CRBN: variants seen among roughly 807,000 people sequenced by gnomAD.
The protein encoded by CRBN is protein cereblon.
A neutral mutation model predicts 62.2 loss-of-function variants in CRBN; 53 were observed. That is an observed-to-expected ratio of 0.85 (90% CI 0.68 to 1.07). The LOEUF is 1.07. Ranked by LOEUF, CRBN falls within the 50% of genes least tolerant of loss-of-function variation. The pLI, the probability that CRBN is intolerant of heterozygous loss-of-function variation, is 0.00. For synonymous variants in CRBN, 208 were observed against 176.1 expected, an observed-to-expected ratio of 1.18 and a Z score of -1.43; for missense variants, 616 against 531.1, an observed-to-expected ratio of 1.16 and a Z score of -1.57.
chr3:3,159,636 T>A (rs532973438), intron 5 of CRBN, among the ~76,000 whole-genome samples: 5 of 152,244 alleles, frequency 3.3e-5, no homozygotes, highest in African/African-American at 1.2e-4. Context: ...CTTTTCAGAG[T>A]CAGAAGACCT....
intron 7 of CRBN, 24 bp from the exon 8 acceptor site, chr3:3,154,099 T>C: frequency 7.0e-7 from 1 of 1,436,236 alleles, no homozygotes; most frequent in South Asian, 1.1e-5. Flanking sequence ...TTTTTCAAGT[T>C]TTAAACTTAG....
At chr3:3,178,070 T>G (rs2126071431) in intron 1 of CRBN, among the ~76,000 whole-genome samples, 1 of 151,888 alleles carries the variant, frequency 6.6e-6, no homozygotes, top group East Asian at 1.9e-4. Flanking sequence ...ATCAGTGAAG[T>G]CTGATGACTC....
At chr3:3,153,650 A>C (rs1041910901) in intron 8 of CRBN, 162 bp from the exon 9 acceptor site, 2 of 640,932 alleles carry the variant, frequency 3.1e-6, no homozygotes, top group Non-Finnish European at 5.7e-6. Flanking sequence ...ATGGAGCACG[A>C]AAGTCACTGA....
chr3:3,179,534 A>T, intron 1 of CRBN, 87 bp downstream of exon 1: 1 of 1,356,310 alleles, frequency 7.4e-7, no homozygotes, highest in Non-Finnish European at 1.0e-6. Context: ...TGGCGCCCCC[A>T]CGCCCGCCTC....
intron 1 of CRBN, among the ~76,000 whole-genome samples, chr3:3,177,844 A>G (rs1707888616): frequency 6.6e-6 from 1 of 152,164 alleles, no homozygotes; most frequent in Non-Finnish European, 1.5e-5. Context: ...TTTTGTTGGA[A>G]CTTAGAGGAT....
chr3:3,173,827 C>T (rs1208496900), intron 3 of CRBN: 3 of 536,178 alleles, frequency 5.6e-6, no homozygotes. Context: ...TTTTCAAATA[C>T]CAGAAAGTTA....
In CRBN at chr3:3,151,030, A is replaced by C; in HGVS notation, c.1164T>G (p.Val388=). Residue 388 remains valine (V), a synonymous_variant, in exon 11 of 11, where the codon GTT becomes GTG. Coordinates refer to ENST00000231948, the MANE Select transcript of CRBN (RefSeq NM_016302.4). ...HSWFPGYAWT[V]AQCKICASHI... ...GGCTTGCACAGATCTTACACTGGGCAACAGTCCAGGCATACCTAAGAAATT... is the reference window on the plus strand; with the variant it reads ...GGCTTGCACAGATCTTACACTGGGCCACAGTCCAGGCATACCTAAGAAATT... 1 of 1,613,896 alleles carries C rather than the reference A, an allele frequency of 6.2e-7. No homozygotes were observed. Among genetic ancestry groups the C allele is most frequent in the Non-Finnish European group, 8.5e-7 (1 of 1,179,934 alleles).
At chr3:3,153,835 T>A in intron 8 of CRBN, 125 bp downstream of exon 8, 1 of 697,960 alleles carries the variant, frequency 1.4e-6, no homozygotes, top group Non-Finnish European at 2.6e-6. Flanking sequence ...AAGATCCCAA[T>A]TGAAATCTGA....
At chr3:3,164,627 T>C (rs1279188989) in intron 5 of CRBN, among the ~76,000 whole-genome samples, 1 of 152,138 alleles carries the variant, frequency 6.6e-6, no homozygotes, top group African/African-American at 2.4e-5. Flanking sequence ...TAGATAATGG[T>C]TTACTGAATA....
At chr3:3,172,552 G>T in intron 4 of CRBN, 1 of 568,564 alleles carries the variant, frequency 1.8e-6, no homozygotes, top group Non-Finnish European at 3.1e-6. Flanking sequence ...ACTCTCTGGA[G>T]ATGGGAGATG....
At position 3,174,086 on chromosome 3, in the gene CRBN, T is replaced by C; in HGVS notation, c.350A>G (p.Asp117Gly). ...VSMVRNLIQK[D>G]RTFAVLAYSN... ...GTATGCAAGAACAGCAAAGGTTCTA[T>C]CTTTCTGAATTAAATTCCGCACCAT... Residue 117 changes from aspartate to glycine, a missense_variant, in exon 3 of 11, where the codon GAT becomes GGT. By Grantham distance (94) the Asp-to-Gly change is moderately conservative. Transcript: ENST00000231948. 2 of 1,614,154 alleles carry C rather than the reference T, an allele frequency of 1.2e-6. No individual in the cohort carries two copies. Among genetic ancestry groups the C allele is most frequent in the Non-Finnish European group, 8.5e-7 (1 of 1,180,004 alleles).
intron 4 of CRBN, among the ~76,000 whole-genome samples, chr3:3,169,935 C>G (rs574449329): frequency 1.7e-4 from 26 of 152,204 alleles, no homozygotes; most frequent in Admixed American, 3.3e-4. Flanking sequence ...TGCCCACCCC[C>G]CCTCCGCCCT....
rs539598986 is a variant in CRBN, at chr3:3,150,424, C to T, written c.*441G>A. ...CCAAAAGGAACATGTACTTGTCACC[C>T]TAGCTTTTGTTATTTAGAGCACTGG... On this transcript the variant is annotated 3_prime_UTR_variant, in exon 11 of 11. Coordinates refer to ENST00000231948, the MANE Select transcript of CRBN (RefSeq NM_016302.4). 1 of 157,758 alleles carries T rather than the reference C, an allele frequency of 6.3e-6. No homozygotes were observed. The highest frequency in any genetic ancestry group is 1.8e-4 in the South Asian group (1 of 5,444). 9.8% of individuals were successfully genotyped at this position (157,758 alleles called of 1,614,324 possible).
chr3:3,160,371 T>G (rs909769160), intron 5 of CRBN, among the ~76,000 whole-genome samples: 2 of 152,178 alleles, frequency 1.3e-5, no homozygotes, highest in Non-Finnish European at 2.9e-5. Context: ...CAGAAATAAT[T>G]TATATAAATA....
downstream of CRBN, chr3:3,149,932 A>AGAGGTAGGTGGC (rs1432170717): frequency 2.0e-5 from 3 of 152,182 alleles, no homozygotes; most frequent in Non-Finnish European, 4.4e-5. Context: ...ATATAAGCAA[A>AGAGGTAGGTGGC]GAGGTAGGTG....
rs1047568248 is a variant in CRBN, at chr3:3,150,086, G to A, written c.*779C>T. 1 of 152,100 alleles carries A rather than the reference G, an allele frequency of 6.6e-6. No homozygotes were observed. Among genetic ancestry groups the A allele is most frequent in the Non-Finnish European group, 1.5e-5 (1 of 67,996 alleles). 9.4% of individuals were successfully genotyped at this position (152,100 alleles called of 1,614,324 possible). A position where few individuals can be genotyped will look rare whatever the true frequency, so the allele number is the denominator to read the frequency against. ...ATTGAACAAAATAATACAGTATCAAGTTTAGTCTGGGTGAGGGGACATGTT... is the reference window on the plus strand; with the variant it reads ...ATTGAACAAAATAATACAGTATCAAATTTAGTCTGGGTGAGGGGACATGTT... On this transcript the variant is annotated 3_prime_UTR_variant, in exon 11 of 11. Transcript: ENST00000231948.
chr3:3,156,123 A>T (rs1195514504), intron 6 of CRBN, 96 bp downstream of exon 6: 5 of 1,025,718 alleles, frequency 4.9e-6, no homozygotes, highest in Admixed American at 3.6e-5. Context: ...GTTATAAGGC[A>T]CTAGAAACTG....
In CRBN at chr3:3,151,059, G is replaced by GAA. The variant is rs766649860; in HGVS notation, c.1149-16_1149-15dup. ...GTCCAGGCATACCTAAGAAATTAAG[G>GAA]AAAGATATCAGCTAAGGAAACATTT... On this transcript the variant is annotated splice_polypyrimidine_tract_variant and intron_variant, in intron 10 of 10. Transcript: ENST00000231948. The GAA allele has an allele frequency of 1.2e-6, 2 of 1,613,410 alleles. No homozygotes were observed. Among genetic ancestry groups the GAA allele is most frequent in the Non-Finnish European group, 1.7e-6 (2 of 1,179,658 alleles).
chr3:3,150,445 A>G lies in CRBN; in HGVS notation c.*420T>C. 5.9e-6 allele frequency: 1 copy of G among 169,714 alleles called. No individual in the cohort carries two copies. The highest frequency in any genetic ancestry group is 1.3e-5 in the Non-Finnish European group (1 of 78,460). 10.5% of individuals were successfully genotyped at this position (169,714 alleles called of 1,614,324 possible). ...CACCCTAGCTTTTGTTATTTAGAGC[A>G]CTGGTACAGATACGCTGTCCCATAC... On this transcript the variant is annotated 3_prime_UTR_variant, in exon 11 of 11. Coordinates refer to ENST00000231948, the MANE Select transcript of CRBN (RefSeq NM_016302.4).
Sources: allele counts gnomAD v4.1 joint callset (sites outside exome capture counted in the v4.1 genomes callset), GRCh38; gene constraint gnomAD v4.1.1; transcripts MANE v1.5; gene names NCBI Gene and HGNC (gene_info 2026-07-23, HGNC 2026-07-21).